PINK1: variants seen among roughly 807,000 people sequenced by gnomAD.
The protein encoded by PINK1 is serine/threonine-protein kinase PINK1, mitochondrial.
A neutral mutation model predicts 56.0 loss-of-function variants in PINK1; 58 were observed. The ratio of observed to expected loss-of-function variants is 1.04; its 90% confidence interval spans 0.84 to 1.29. PINK1 has a LOEUF of 1.29. Ranked by LOEUF, PINK1 falls within the 50% of genes most tolerant of loss-of-function variation. The pLI is 0.00. For missense variants in PINK1, 745 were observed against 777.9 expected, an observed-to-expected ratio of 0.96 and a Z score of 0.50; for synonymous variants, 354 against 339.3, an observed-to-expected ratio of 1.04 and a Z score of -0.48.
At position 20,650,472 on chromosome 1, in the gene PINK1, A is replaced by G. The variant is rs1433242919; in HGVS notation, c.1527A>G (p.Leu509=). 2 of 1,613,988 alleles carry G rather than the reference A, an allele frequency of 1.2e-6. No homozygotes were observed. Among genetic ancestry groups the G allele is most frequent in the Non-Finnish European group, 1.7e-6 (2 of 1,179,966 alleles). Residue 509 remains leucine (L), a synonymous_variant, in exon 8 of 8, where the codon CTA becomes CTG. Transcript: ENST00000321556. ...SARVAANVLH[L]SLWGEHILAL... ...GAGTAGCCGCAAATGTGCTTCATCT[A>G]AGCCTCTGGGGTGAACATATTCTAG...
Position 20,644,797 on chromosome 1 carries a change from G to T in PINK1, c.959+125G>T, listed in dbSNP as rs562392619. The stretch of plus-strand genomic sequence containing the variant: ...ACAGGGTCATCACCCTTCCGGAGAA[G>T]AAAGCCATGCAAAGGGAACATATCT... On this transcript the variant is annotated intron_variant, in intron 4 of 7. Transcript: ENST00000321556. 54 of 1,287,824 alleles carry T rather than the reference G, an allele frequency of 4.2e-5. 1 individual carries two copies. Among genetic ancestry groups the T allele is most frequent in the South Asian group, 3.5e-4 (26 of 74,096 alleles). 79.8% of individuals were successfully genotyped at this position (1,287,824 alleles called of 1,614,324 possible). A position where few individuals can be genotyped will look rare whatever the true frequency, so the allele number is the denominator to read the frequency against.
In PINK1 at chr1:20,651,261, C is replaced by CCTGACTGA. The variant is rs143763511; in HGVS notation, c.*576_*577insGACTGACT. 6.0e-6 allele frequency: 1 copy of CCTGACTGA among 166,644 alleles called. No individual in the cohort carries two copies. Among genetic ancestry groups the CCTGACTGA allele is most frequent in the African/African-American group, 2.4e-5 (1 of 41,740 alleles). The allele number at this position is 166,644 out of a possible 1,614,324, so 10.3% of individuals were successfully genotyped here. On this transcript the variant is annotated 3_prime_UTR_variant, in exon 8 of 8. Transcript: ENST00000321556. ...GGGATTTAAACTTGAGGGTTTCCCT[C>CCTGACTGA]CTGACTAGCCTCTCTTACAGGAATT...
intron 1 of PINK1, 94 bp downstream of exon 1, chr1:20,634,029 G>T: frequency 6.8e-7 from 1 of 1,461,470 alleles, no homozygotes; most frequent in Non-Finnish European, 9.2e-7. Context: ...GTGTGGAGGC[G>T]GGGCTCTGAG....
rs1300994963 is a variant in PINK1, at chr1:20,644,790, C to T, written c.959+118C>T. 3.8e-5 allele frequency: 51 copies of T among 1,331,232 alleles called. 1 individual carries two copies. Among genetic ancestry groups the T allele is most frequent in the East Asian group, 2.2e-4 (9 of 40,112 alleles). 82.5% of individuals were successfully genotyped at this position (1,331,232 alleles called of 1,614,324 possible). ...TTGGAGAACAGGGTCATCACCCTTC[C>T]GGAGAAGAAAGCCATGCAAAGGGAA... On this transcript the variant is annotated intron_variant, in intron 4 of 7. Coordinates refer to ENST00000321556, the MANE Select transcript of PINK1 (RefSeq NM_032409.3).
intron 1 of PINK1, among the ~76,000 whole-genome samples, chr1:20,635,502 G>A (rs944172779): frequency 6.7e-6 from 1 of 149,708 alleles, no homozygotes; most frequent in South Asian, 2.1e-4. Flanking sequence ...CTCTGACTGG[G>A]GGGAGAAAAA....
intron 2 of PINK1, 89 bp from the exon 3 acceptor site, chr1:20,639,803 G>T (rs1226184983): frequency 2.4e-5 from 29 of 1,203,860 alleles, no homozygotes; most frequent in Middle Eastern, 2.4e-4. Context: ...GGCAGTAGCT[G>T]CCCTGCTCCA....
At chr1:20,643,372 G>A (rs1178081578) in intron 3 of PINK1, among the ~76,000 whole-genome samples, 2 of 152,252 alleles carry the variant, frequency 1.3e-5, no homozygotes, top group African/African-American at 4.8e-5. Context: ...AGGATAAGGA[G>A]CAGCCAGGGC....
At position 20,642,298 on chromosome 1, in the gene PINK1, C is replaced by T. The variant is rs114318605; in HGVS notation, c.777-2192C>T. ...AAAAGCCAAGCTTTCTATTGTGAGT[C>T]GACTCATATGGAGACAGGAGTTGAA... On this transcript the variant is annotated intron_variant, in intron 3 of 7. Transcript: ENST00000321556. 6.2e-3 allele frequency among the ~76,000 whole-genome samples: 942 copies of T among 152,256 alleles called. 13 individuals are homozygous for T. Among genetic ancestry groups the T allele is most frequent in the African/African-American group, 0.022 (902 of 41,548 alleles).
chr1:20,650,577 C>T lies in PINK1; in HGVS notation c.1632C>T (p.Leu544=), dbSNP rs566377750. Residue 544 remains leucine (L), a synonymous_variant, in exon 8 of 8, where the codon CTC becomes CTT. Coordinates refer to ENST00000321556, the MANE Select transcript of PINK1 (RefSeq NM_032409.3). The part of the protein sequence containing the change: ...QSAATLLANR[L]TEKCCVETKM... ...CCGCCACTTTGTTGGCCAACAGGCT[C>T]ACAGAGAAGTGTTGTGTGGAAACAA... 1.9e-5 allele frequency: 30 copies of T among 1,614,218 alleles called. No individual in the cohort carries two copies. The highest frequency in any genetic ancestry group is 2.3e-5 in the Non-Finnish European group (27 of 1,180,048).
Position 20,648,959 on chromosome 1 carries a change from G to A in PINK1, c.1252-36G>A, listed in dbSNP as rs148125857. On this transcript the variant is annotated intron_variant, in intron 6 of 7. Coordinates refer to ENST00000321556, the MANE Select transcript of PINK1 (RefSeq NM_032409.3). ...CAGGACATGAAAAGGTTAGATGGGC[G>A]GGCAGCGTGATGTCTCACCCACTGC... The A allele has an allele frequency of 1.8e-4, 283 of 1,594,054 alleles. 1 individual carries two copies. In the African/African-American group the frequency reaches 2.6e-3, roughly 15 times the overall value.
chr1:20,651,271 C>T lies in PINK1; in HGVS notation c.*580C>T. ...CTTGAGGGTTTCCCTCCTGACTAGCCTCTCTTACAGGAATTGTGAAATATT... is the reference window on the plus strand; with the variant it reads ...CTTGAGGGTTTCCCTCCTGACTAGCTTCTCTTACAGGAATTGTGAAATATT... On this transcript the variant is annotated 3_prime_UTR_variant, in exon 8 of 8. Transcript: ENST00000321556. The T allele has an allele frequency of 6.0e-6, 1 of 165,356 alleles. No individual in the cohort carries two copies. The highest frequency in any genetic ancestry group is 1.3e-5 in the Non-Finnish European group (1 of 74,986). The allele number at this position is 165,356 out of a possible 1,614,324, so 10.2% of individuals were successfully genotyped here.
rs561948389 is a variant in PINK1, at chr1:20,646,953, C to G, written c.1123+1230C>G. 5.3e-5 allele frequency among the ~76,000 whole-genome samples: 8 copies of G among 152,060 alleles called. No homozygotes were observed. The East Asian group carries it at 1.5e-3, about 29-fold the overall frequency. On this transcript the variant is annotated intron_variant, in intron 5 of 7. Transcript: ENST00000321556. The stretch of plus-strand genomic sequence containing the variant: ...GGAGTGCAGTGGCGCCATCTCAGCT[C>G]ACTGCAACCTCTGCTTCCCAGGTTC...
At chr1:20,648,925 G>A in intron 6 of PINK1, 70 bp from the exon 7 acceptor site, 1 of 1,505,144 alleles carries the variant, frequency 6.6e-7, no homozygotes, top group Non-Finnish European at 9.2e-7. Context: ...CCATGGATCA[G>A]GTGATGTGCA....
At chr1:20,634,742 C>T (rs2053039024) in intron 1 of PINK1, among the ~76,000 whole-genome samples, 1 of 152,324 alleles carries the variant, frequency 6.6e-6, no homozygotes, top group East Asian at 1.9e-4. Flanking sequence ...TGGCCGCTGG[C>T]AGAATTCCAT....
chr1:20,637,919 G>A lies in PINK1; in HGVS notation c.465G>A (p.Glu155=). Residue 155 remains glutamate, a synonymous_variant, in exon 2 of 8, where the codon GAG becomes GAA. Transcript: ENST00000321556. ...TRRLQGFRLE[E]YLIGQSIGKG... The stretch of plus-strand genomic sequence containing the variant: ...GCTTGCAGGGCTTTCGGCTGGAGGA[G>A]TATCTGATAGGGCAGTCCATTGGTA... The A allele has an allele frequency of 1.9e-6, 3 of 1,614,208 alleles. No individual in the cohort carries two copies. Among genetic ancestry groups the A allele is most frequent in the Non-Finnish European group, 2.5e-6 (3 of 1,180,044 alleles).
At chr1:20,648,003 A>G (rs2053208548) in intron 5 of PINK1, among the ~76,000 whole-genome samples, 1 of 150,372 alleles carries the variant, frequency 6.7e-6, no homozygotes, top group South Asian at 2.1e-4. Flanking sequence ...TAGTAGAGAC[A>G]GGGGTTTCAC....
At chr1:20,642,033 G>A (rs989461176) in intron 3 of PINK1, among the ~76,000 whole-genome samples, 24 of 152,150 alleles carry the variant, frequency 1.6e-4, no homozygotes, top group Middle Eastern at 3.2e-3. Context: ...CGATGCTCTG[G>A]CTCCTTTGAT....
intron 1 of PINK1, among the ~76,000 whole-genome samples, chr1:20,634,915 T>G (rs989992636): frequency 6.6e-6 from 1 of 152,128 alleles, no homozygotes; most frequent in African/African-American, 2.4e-5. Flanking sequence ...GGTTTCCTGG[T>G]TTCCATCCCA....
intron 5 of PINK1, among the ~76,000 whole-genome samples, chr1:20,646,781 G>A (rs183942985): frequency 6.2e-4 from 95 of 152,276 alleles, no homozygotes; most frequent in African/African-American, 2.3e-3. Flanking sequence ...TAGGAAAATT[G>A]TAAGGAGATT....
Sources: allele counts gnomAD v4.1 joint callset (sites outside exome capture counted in the v4.1 genomes callset), GRCh38; gene constraint gnomAD v4.1.1; transcripts MANE v1.5; gene names NCBI Gene and HGNC (gene_info 2026-07-23, HGNC 2026-07-21).